The following ABHD2 variants were observed in gnomAD, a reference collection of about 807,000 sequenced individuals.
ABHD2 encodes monoacylglycerol lipase ABHD2.
Under a neutral mutation model 48.1 loss-of-function variants are expected in ABHD2, and 20 were observed. The ratio of observed to expected loss-of-function variants is 0.42; its 90% CI spans 0.29 to 0.60. The LOEUF (loss-of-function observed/expected upper bound fraction) is 0.60, where lower values mean the gene tolerates loss of function less well. Among genes scored for constraint, ABHD2 ranks in the 20% least tolerant of loss-of-function variants. ABHD2 has a pLI of 0.24. For synonymous variants in ABHD2, 209 were observed against 214.2 expected, an observed-to-expected ratio of 0.98 and a Z score of 0.21; for missense variants, 405 against 550.9, an observed-to-expected ratio of 0.74 and a Z score of 2.65.
At position 89,100,834 on chromosome 15, in the gene ABHD2, C is replaced by A. The variant is rs562217982; in HGVS notation, c.-107+12271C>A. On this transcript the variant is annotated intron_variant, in intron 1 of 10. Coordinates refer to ENST00000352732, the MANE Select transcript of ABHD2 (RefSeq NM_152924.5). The surrounding 1 kb of genome is among the most constrained non-coding windows in gnomAD (Gnocchi z 4.4). ...CTGTGAGCTGAGATGTGCCATTGCA[C>A]TCCACCCTGGGCCACAGTGAGAGAC... Among the ~76,000 whole-genome samples the A allele has an allele frequency of 6.6e-6, 1 of 152,068 alleles. No homozygotes were observed. The highest frequency in any genetic ancestry group is 6.5e-5 in the Admixed American group (1 of 15,284).
At chr15:89,045,395 T>C in the ABHD2 span, among the ~76,000 whole-genome samples, 1 of 151,872 alleles carries the variant, frequency 6.6e-6, no homozygotes, top group Non-Finnish European at 1.5e-5. Context: ...CAGGCTCTTT[T>C]TTGGTTCCAT....
chr15:89,041,173 T>G, the ABHD2 span: 3 of 152,278 alleles, frequency 2.0e-5, no homozygotes, highest in Admixed American at 2.0e-4. Context: ...CAACTTCCAG[T>G]GACGTGAGTG....
the ABHD2 span, among the ~76,000 whole-genome samples, chr15:89,047,582 T>C: frequency 6.7e-6 from 1 of 148,586 alleles, no homozygotes; most frequent in East Asian, 1.9e-4. Flanking sequence ...TGGGTGCTCC[T>C]GTATTGGGTG....
intron 3 of ABHD2, among the ~76,000 whole-genome samples, chr15:89,141,170 T>C (rs2050396795): frequency 6.6e-6 from 1 of 151,880 alleles, no homozygotes; most frequent in African/African-American, 2.4e-5. Context: ...TTGGTATAGA[T>C]GAGGTCTTCC....
chr15:89,043,454 G>GAGA, the ABHD2 span, among the ~76,000 whole-genome samples: 98 of 143,916 alleles, frequency 6.8e-4, no homozygotes, highest in African/African-American at 2.4e-3. Flanking sequence ...GAAGGAGGAG[G>GAGA]AGGAGAAGGA....
rs752631219 is a variant in ABHD2 at position 89,191,133 on chromosome 15, T to C, written c.980T>C (p.Met327Thr). The C allele has an allele frequency of 6.2e-7, 1 of 1,614,068 alleles. No individual in the cohort carries two copies. ...LKEYYEEESC[M>T]RYLHRIYVPL... ...GAATACTATGAGGAAGAAAGTTGCA[T>C]GCGGTACCTGCACAGGGTGAGTGGC... Residue 327 changes from methionine to threonine, a missense_variant, in exon 9 of 11, where the codon ATG (methionine) becomes ACG (threonine). Physicochemically the swap from Met to Thr is moderately conservative, Grantham distance 81 (BLOSUM62 -1). Coordinates refer to ENST00000352732, the MANE Select transcript of ABHD2 (RefSeq NM_152924.5).
the ABHD2 span, among the ~76,000 whole-genome samples, chr15:89,058,576 G>A: frequency 5.9e-5 from 9 of 152,098 alleles, no homozygotes; most frequent in Admixed American, 5.9e-4. Flanking sequence ...CCTGCTCTGG[G>A]CCCAGGGGAT....
chr15:89,076,491 C>T, the ABHD2 span, among the ~76,000 whole-genome samples: 14 of 151,844 alleles, frequency 9.2e-5, no homozygotes, highest in South Asian at 2.1e-4. Context: ...TGTTTTGTTT[C>T]GTTTCTTTTT....
the ABHD2 span, among the ~76,000 whole-genome samples, chr15:89,059,659 G>T: frequency 3.3e-5 from 5 of 152,130 alleles, no homozygotes; most frequent in African/African-American, 9.7e-5. Flanking sequence ...CACAGCAGTC[G>T]CAGGTGCCAT....
chr15:89,059,813 G>A, the ABHD2 span, among the ~76,000 whole-genome samples: 1 of 152,068 alleles, frequency 6.6e-6, no homozygotes, highest in African/African-American at 2.4e-5. Context: ...GTCTCCTATT[G>A]CAGAGCCGCA....
intron 1 of ABHD2, among the ~76,000 whole-genome samples, chr15:89,095,524 G>A (rs1441010670): frequency 6.6e-6 from 1 of 152,230 alleles, no homozygotes. Context: ...GGGGGCTGAG[G>A]TGAGACCCCA....
chr15:89,076,649 A>G, the ABHD2 span, among the ~76,000 whole-genome samples: 1 of 151,862 alleles, frequency 6.6e-6, no homozygotes, highest in East Asian at 1.9e-4. Flanking sequence ...ATGTCCAGCT[A>G]CTTTTTTGTA....
chr15:89,143,662 A>G (rs908705064), intron 3 of ABHD2, among the ~76,000 whole-genome samples: 1 of 150,040 alleles, frequency 6.7e-6, no homozygotes, highest in Non-Finnish European at 1.5e-5. Flanking sequence ...CAGCCTGGGC[A>G]ATAAGAGCAA....
At position 89,176,395 on chromosome 15, in the gene ABHD2, C is replaced by T. The variant is rs75542694; in HGVS notation, c.722+400C>T. Among the ~76,000 whole-genome samples the T allele has an allele frequency of 0.014, 2,144 of 152,262 alleles. 18 individuals carry two copies. The highest frequency in any genetic ancestry group is 0.023 in the Non-Finnish European group (1,561 of 68,004). ...TGGGCCTTGGGATCCCAGATCCCTCCTTCCTGCAAGAGATGAGTCCCAGAT... is the reference window on the plus strand; with the variant it reads ...TGGGCCTTGGGATCCCAGATCCCTCTTTCCTGCAAGAGATGAGTCCCAGAT... On this transcript the variant is annotated intron_variant, in intron 6 of 10. Coordinates refer to ENST00000352732, the MANE Select transcript of ABHD2 (RefSeq NM_152924.5). The surrounding 1 kb of genome is among the most constrained non-coding windows in gnomAD (Gnocchi z 4.5).
In ABHD2 at chr15:89,091,759, C is replaced by T. The variant is rs942308287; in HGVS notation, c.-107+3196C>T. 1.3e-5 allele frequency among the ~76,000 whole-genome samples: 2 copies of T among 152,186 alleles called. No homozygotes were observed. Among genetic ancestry groups the T allele is most frequent in the African/African-American group, 2.4e-5 (1 of 41,444 alleles). ...GCAGAATTTCTACCATGACCTACAG[C>T]TTACAGTATTCCCATTTTTATTGCA... On this transcript the variant is annotated intron_variant, in intron 1 of 10. Transcript: ENST00000352732. The surrounding 1 kb of genome is among the most constrained non-coding windows in gnomAD (Gnocchi z 5.5).
rs144128793 is a variant in ABHD2 at position 89,135,726 on chromosome 15, C to T, written c.195-15951C>T. The T allele has an allele frequency of 3.8e-4, 481 of 1,261,558 alleles. 7 individuals are homozygous for T. In the East Asian group the frequency reaches 0.01, roughly 27 times the overall value. The allele number at this position is 1,261,558 out of a possible 1,614,324, so 78.1% of individuals were successfully genotyped here. A position where few individuals can be genotyped will look rare whatever the true frequency, so the allele number is the denominator to read the frequency against. ...TTTTCTTACTTTTCCTTCAGCTTCG[C>T]AGCCTTCTTTTTATAAGGCTGCCTG... On this transcript the variant is annotated intron_variant, in intron 3 of 10. Transcript: ENST00000352732.
At chr15:89,101,108 C>A (rs900800960) in intron 1 of ABHD2, among the ~76,000 whole-genome samples, 2 of 152,162 alleles carry the variant, frequency 1.3e-5, no homozygotes, top group Non-Finnish European at 2.9e-5. Flanking sequence ...CATCTACTTT[C>A]TATTTGCGGG....
chr15:89,066,612 C>T, the ABHD2 span, among the ~76,000 whole-genome samples: 11 of 152,182 alleles, frequency 7.2e-5, no homozygotes, highest in Non-Finnish European at 1.6e-4. Context: ...AAGGCATTCT[C>T]CTATCATATT....
chr15:89,149,120 T>C (rs1434585172), intron 3 of ABHD2, among the ~76,000 whole-genome samples: 1 of 152,110 alleles, frequency 6.6e-6, no homozygotes, highest in African/African-American at 2.4e-5. Context: ...GTAGGTATTG[T>C]CATAAAATTA....
Sources: allele counts gnomAD v4.1 joint callset (sites outside exome capture counted in the v4.1 genomes callset), GRCh38; gene constraint gnomAD v4.1.1; non-coding constraint Gnocchi (gnomAD v3.1); transcripts MANE v1.5; gene names NCBI Gene and HGNC (gene_info 2026-07-23, HGNC 2026-07-21).